The following TSHZ2 variants were observed in gnomAD, a reference collection of about 807,000 sequenced individuals.
TSHZ2 encodes teashirt homolog 2.
TSHZ2 carries 21 observed loss-of-function variants against 74.4 expected under a neutral mutation model. That is an observed-to-expected ratio of 0.28 (90% confidence interval 0.20 to 0.41). TSHZ2 has a LOEUF of 0.41. Ranked by LOEUF, TSHZ2 falls within the 10% of genes least tolerant of loss-of-function variation. The pLI is 1.00. For synonymous variants in TSHZ2, 540 were observed against 515.3 expected (o/e 1.05, Z -0.65); for missense variants, 1,244 against 1,293.5 (o/e 0.96, Z 0.59).
chr20:53,407,800 G>A (rs1164491422), intron 2 of TSHZ2, among the ~76,000 whole-genome samples: 1 of 152,202 alleles, frequency 6.6e-6, no homozygotes, highest in South Asian at 2.1e-4. Context: ...TCATTATACA[G>A]CACAAAAGCA....
intron 2 of TSHZ2, among the ~76,000 whole-genome samples, chr20:53,306,189 C>T (rs1227288093): frequency 6.6e-6 from 1 of 152,090 alleles, no homozygotes; most frequent in South Asian, 2.1e-4. Context: ...GCGTGGCAAC[C>T]GTGTGCAAGA....
intron 1 of TSHZ2, among the ~76,000 whole-genome samples, chr20:52,999,708 A>C (rs1759101048): frequency 1.3e-5 from 2 of 151,806 alleles, no homozygotes; most frequent in African/African-American, 4.8e-5. Context: ...TAGAGCTTTC[A>C]AAAAAAAGTC....
chr20:53,050,775 T>A (rs1984430684), intron 1 of TSHZ2, among the ~76,000 whole-genome samples: 1 of 152,208 alleles, frequency 6.6e-6, no homozygotes. Context: ...AAATGGTAGT[T>A]CTTGGTGTGC....
At chr20:53,380,137 A>AGT (rs879606182) in intron 2 of TSHZ2, among the ~76,000 whole-genome samples, 61 of 88,576 alleles carry the variant, frequency 6.9e-4, no homozygotes, top group South Asian at 3.1e-3. Flanking sequence ...TGATGGTTGG[A>AGT]GAGTGTGTGT....
chr20:53,472,686 T>C (rs1044393677), intron 2 of TSHZ2, among the ~76,000 whole-genome samples: 4 of 151,916 alleles, frequency 2.6e-5, no homozygotes, highest in African/African-American at 9.7e-5. Flanking sequence ...AGCTCCAGTC[T>C]ACAGCTCCCA....
At chr20:52,987,237 C>A (rs1030203888) in intron 1 of TSHZ2, among the ~76,000 whole-genome samples, 4 of 152,056 alleles carry the variant, frequency 2.6e-5, no homozygotes, top group East Asian at 3.9e-4. Flanking sequence ...TGGTTCTCAA[C>A]CTTTATTTGG....
intron 2 of TSHZ2, among the ~76,000 whole-genome samples, chr20:53,392,805 C>G (rs1982308023): frequency 6.6e-6 from 1 of 151,784 alleles, no homozygotes; most frequent in South Asian, 2.1e-4. Flanking sequence ...ATTTTGTCAC[C>G]CAGGTAATCA....
At chr20:53,045,147 T>G (rs1351254784) in intron 1 of TSHZ2, among the ~76,000 whole-genome samples, 1 of 152,190 alleles carries the variant, frequency 6.6e-6, no homozygotes. Context: ...AACTGAGGGC[T>G]TCTTCTGGGA....
intron 1 of TSHZ2, among the ~76,000 whole-genome samples, chr20:53,038,218 A>G (rs1334625564): frequency 2.0e-5 from 3 of 147,090 alleles, no homozygotes; most frequent in Non-Finnish European, 4.5e-5. Flanking sequence ...AAAAAAAAAA[A>G]AAAAAAAAAA....
chr20:53,266,772 A>ATTTTTT (rs11344692), intron 2 of TSHZ2, among the ~76,000 whole-genome samples: 1 of 98,758 alleles, frequency 1.0e-5, no homozygotes, highest in Admixed American at 1.1e-4. Flanking sequence ...CCGATCGACG[A>ATTTTTT]TTTTTTTTTT....
intron 1 of TSHZ2, among the ~76,000 whole-genome samples, chr20:53,212,373 G>A (rs760479970): frequency 1.3e-5 from 2 of 152,142 alleles, no homozygotes; most frequent in Admixed American, 6.5e-5. Flanking sequence ...GTAGGTTCCC[G>A]CTAATGAAAA....
intron 2 of TSHZ2, among the ~76,000 whole-genome samples, chr20:53,358,425 C>G (rs1362020815): frequency 6.7e-6 from 1 of 149,102 alleles, no homozygotes; most frequent in Non-Finnish European, 1.5e-5. Context: ...ACGGCAACTT[C>G]CGCCACTCAG....
intron 1 of TSHZ2, chr20:53,185,216 G>A (rs984985795): frequency 1.0e-6 from 1 of 987,822 alleles, no homozygotes; most frequent in Non-Finnish European, 1.2e-6. Context: ...GCTTTTTACT[G>A]TCATTTAGCC....
intron 2 of TSHZ2, among the ~76,000 whole-genome samples, chr20:53,257,439 A>C (rs975415008): frequency 6.6e-6 from 1 of 152,214 alleles, no homozygotes; most frequent in Non-Finnish European, 1.5e-5. Flanking sequence ...ATCATGTGTC[A>C]TAGAAGTTCC....
chr20:53,093,991 T>G (rs1985963979), intron 1 of TSHZ2, among the ~76,000 whole-genome samples: 1 of 15,388 alleles, frequency 6.5e-5, no homozygotes, highest in Non-Finnish European at 1.0e-4. Context: ...TGACTTAGTT[T>G]TTTTTTTTTT....
At chr20:53,072,919 A>G (rs1325121501) in intron 1 of TSHZ2, among the ~76,000 whole-genome samples, 2 of 150,756 alleles carry the variant, frequency 1.3e-5, no homozygotes, top group African/African-American at 4.9e-5. Context: ...TCATCCATCC[A>G]TTCATCCCTT....
chr20:53,459,976 G>C (rs1201236740), intron 2 of TSHZ2, among the ~76,000 whole-genome samples: 1 of 152,010 alleles, frequency 6.6e-6, no homozygotes, highest in African/African-American at 2.4e-5. Flanking sequence ...CTTTCTCTCT[G>C]GCTGCCCTTA....
At chr20:53,226,781 G>GCA (rs1019800404) in intron 1 of TSHZ2, among the ~76,000 whole-genome samples, 6 of 152,086 alleles carry the variant, frequency 3.9e-5, no homozygotes, top group Non-Finnish European at 8.8e-5. Flanking sequence ...GATGCCAGTA[G>GCA]CACCCCCATT....
At chr20:53,090,641 G>T (rs1985856049) in intron 1 of TSHZ2, among the ~76,000 whole-genome samples, 1 of 152,206 alleles carries the variant, frequency 6.6e-6, no homozygotes, top group Non-Finnish European at 1.5e-5. Flanking sequence ...ACAGCAGCTT[G>T]CTTGCAAGGG....
Sources: allele counts gnomAD v4.1 joint callset (sites outside exome capture counted in the v4.1 genomes callset), GRCh38; gene constraint gnomAD v4.1.1; transcripts MANE v1.5; gene names NCBI Gene and HGNC (gene_info 2026-07-23, HGNC 2026-07-21).